LRP1B: variants seen among roughly 807,000 people sequenced by gnomAD.
LRP1B encodes the protein LDL receptor related protein 1B, also known as low-density lipoprotein receptor-related protein 1B.
LRP1B carries 217 observed loss-of-function variants against 556.6 expected under a neutral mutation model. That is an observed-to-expected ratio of 0.39 (90% CI 0.35 to 0.44). LRP1B has a LOEUF of 0.44. Ranked by LOEUF, LRP1B falls within the 20% of genes least tolerant of loss-of-function variation. The probability of loss-of-function intolerance (pLI) is 1.00; values close to 1 mark genes in which losing one functional copy is unlikely to be tolerated. For synonymous variants in LRP1B, 2,047 were observed against 1,865.8 expected, an observed-to-expected ratio of 1.10 and a Z score of -2.50; for missense variants, 5,053 against 5,620.8, an observed-to-expected ratio of 0.90 and a Z score of 3.23.
intron 14 of LRP1B, 80 bp downstream of exon 14, chr2:141,013,476 G>T: frequency 8.6e-7 from 1 of 1,161,256 alleles, no homozygotes; most frequent in Non-Finnish European, 1.2e-6. Flanking sequence ...TAGCAACACT[G>T]TCAAGATAAA....
At chr2:141,557,973 A>G (rs189882444) in intron 2 of LRP1B, among the ~76,000 whole-genome samples, 1 of 152,002 alleles carries the variant, frequency 6.6e-6, no homozygotes, top group African/African-American at 2.4e-5. Context: ...CTTGCTCTAA[A>G]AAATGCTCTC....
rs1405947259 is a variant in LRP1B at position 140,596,041 on chromosome 2, G to T, written c.7194+2590C>A. On this transcript the variant is annotated intron_variant, in intron 43 of 90. Coordinates refer to ENST00000389484, the MANE Select transcript of LRP1B (RefSeq NM_018557.3). ...CTATTTGTCACACAGCTAAGCAATG[G>T]GTATATCTAAACATGAAAGTGAAAA... 2.0e-5 allele frequency among the ~76,000 whole-genome samples: 3 copies of T among 152,016 alleles called. No homozygotes were observed. The East Asian group carries it at 5.8e-4, about 29-fold the overall frequency.
chr2:140,599,002 T>C (rs1466544796), intron 42 of LRP1B, among the ~76,000 whole-genome samples, 167 bp from the exon 43 acceptor site: 1 of 152,202 alleles, frequency 6.6e-6, no homozygotes, highest in Non-Finnish European at 1.5e-5. Context: ...ATATTATATA[T>C]GCATGTTAAT....
At chr2:141,417,460 T>C (rs185694314) in intron 3 of LRP1B, among the ~76,000 whole-genome samples, 3 of 152,316 alleles carry the variant, frequency 2.0e-5, no homozygotes, top group Admixed American at 6.5e-5. Flanking sequence ...AGATACCCCA[T>C]ATAAGTAGAA....
chr2:141,430,416 TTAAAA>T (rs1175663764), intron 3 of LRP1B, among the ~76,000 whole-genome samples: 2 of 152,170 alleles, frequency 1.3e-5, no homozygotes, highest in African/African-American at 2.4e-5. Context: ...AGATCTAATT[TTAAAA>T]TAATTAATGG....
intron 1 of LRP1B, among the ~76,000 whole-genome samples, chr2:141,812,762 A>G (rs988096000): frequency 6.6e-6 from 1 of 152,146 alleles, no homozygotes; most frequent in Non-Finnish European, 1.5e-5. Flanking sequence ...TTCTCTAGAG[A>G]AGATTTCAAG....
At chr2:140,528,790 A>G (rs1690553077) in intron 47 of LRP1B, among the ~76,000 whole-genome samples, 1 of 152,006 alleles carries the variant, frequency 6.6e-6, no homozygotes, top group Non-Finnish European at 1.5e-5. Context: ...AAAAAAATCT[A>G]CAGAAATAGT....
At chr2:140,813,616 A>G (rs1442976043) in intron 32 of LRP1B, 41 bp downstream of exon 32, 2 of 1,594,512 alleles carry the variant, frequency 1.3e-6, no homozygotes, top group East Asian at 2.2e-5. Flanking sequence ...TCAACCCCCA[A>G]TCAATACAAA....
intron 81 of LRP1B, among the ~76,000 whole-genome samples, chr2:140,322,627 G>A (rs1464601361): frequency 1.3e-5 from 2 of 149,902 alleles, no homozygotes; most frequent in Non-Finnish European, 3.0e-5. Flanking sequence ...GTCTAAAGTG[G>A]CTTCCTTTCC....
chr2:140,744,562 T>A (rs1559091267), intron 35 of LRP1B, among the ~76,000 whole-genome samples: 1 of 152,202 alleles, frequency 6.6e-6, no homozygotes, highest in East Asian at 1.9e-4. Flanking sequence ...GTCTCCTTAG[T>A]TCATATCAAC....
In LRP1B at chr2:140,375,173, A is replaced by G. The variant is rs201441265; in HGVS notation, c.10639-2036T>C. Among the ~76,000 whole-genome samples, 38 of 144,220 alleles carry G rather than the reference A, an allele frequency of 2.6e-4. 1 individual carries two copies. In the South Asian group the frequency reaches 7.6e-3, roughly 29 times the overall value. The allele number at this position is 144,220 out of a possible 152,430, so 94.6% of individuals were successfully genotyped here. A position where few individuals can be genotyped will look rare whatever the true frequency, so the allele number is the denominator to read the frequency against. On this transcript the variant is annotated intron_variant, in intron 68 of 90. Coordinates refer to ENST00000389484, the MANE Select transcript of LRP1B (RefSeq NM_018557.3). ...ACTCATTGATTTTTATACTGTGTGT[A>G]TGTGTGTGTGTGTGTGTGTGTGTGT...
At chr2:140,672,482 TAAAAAA>T (rs55884730) in intron 41 of LRP1B, among the ~76,000 whole-genome samples, 10 of 81,578 alleles carry the variant, frequency 1.2e-4, no homozygotes, top group Admixed American at 7.0e-4. Flanking sequence ...AGACTCCATC[TAAAAAA>T]AAAAAAAAAA....
chr2:140,538,064 A>G lies in LRP1B; in HGVS notation c.7514-1355T>C, dbSNP rs1187865310. ...TCTGCTAATGAAAGAATATAGCTTA[A>G]TTCTATAATTTAGTATTAATTTTTG... On this transcript the variant is annotated intron_variant, in intron 45 of 90. Transcript: ENST00000389484. Among the ~76,000 whole-genome samples the G allele has an allele frequency of 3.3e-5, 5 of 152,270 alleles. No homozygotes were observed. The East Asian group carries it at 9.7e-4, about 29-fold the overall frequency.
At chr2:142,123,152 C>T (rs1707517578) in intron 1 of LRP1B, among the ~76,000 whole-genome samples, 1 of 152,000 alleles carries the variant, frequency 6.6e-6, no homozygotes, top group Non-Finnish European at 1.5e-5. Context: ...TTTTCTTTCT[C>T]ACAAATATCT....
chr2:141,256,770 A>T (rs1386934667), intron 3 of LRP1B, among the ~76,000 whole-genome samples: 3 of 152,106 alleles, frequency 2.0e-5, no homozygotes, highest in Non-Finnish European at 2.9e-5. Flanking sequence ...TATTGACAAC[A>T]TAATAGCCAG....
intron 1 of LRP1B, among the ~76,000 whole-genome samples, chr2:141,966,326 A>C (rs113803769): frequency 7.9e-5 from 12 of 152,022 alleles, no homozygotes; most frequent in African/African-American, 2.6e-4. Flanking sequence ...AATGTTGTGA[A>C]GAAAAACAAA....
intron 5 of LRP1B, among the ~76,000 whole-genome samples, chr2:141,241,548 C>A (rs1686252178): frequency 6.6e-6 from 1 of 152,032 alleles, no homozygotes; most frequent in Non-Finnish European, 1.5e-5. Flanking sequence ...CAGGACAAAA[C>A]TGGCCAAATA....
intron 75 of LRP1B, among the ~76,000 whole-genome samples, chr2:140,354,138 G>A (rs1682102199): frequency 6.6e-6 from 1 of 151,972 alleles, no homozygotes; most frequent in Non-Finnish European, 1.5e-5. Flanking sequence ...TGTTTAGCCA[G>A]CATATTTCCC....
At chr2:141,517,348 G>T (rs1336383184) in intron 2 of LRP1B, among the ~76,000 whole-genome samples, 1 of 148,992 alleles carries the variant, frequency 6.7e-6, no homozygotes, top group Non-Finnish European at 1.5e-5. Flanking sequence ...GGGTTCTGAT[G>T]CTAATCTTTC....
Sources: allele counts gnomAD v4.1 joint callset (sites outside exome capture counted in the v4.1 genomes callset), GRCh38; gene constraint gnomAD v4.1.1; transcripts MANE v1.5; gene names NCBI Gene and HGNC (gene_info 2026-07-23, HGNC 2026-07-21).